The following PFKFB3 variants were observed in gnomAD, a reference collection of about 807,000 sequenced individuals.
PFKFB3 encodes the protein 6-phosphofructo-2-kinase/fructose-2,6-biphosphatase 3.
A neutral mutation model predicts 68.0 loss-of-function variants in PFKFB3; 33 were observed. The observed-to-expected ratio is 0.49, with a 90% CI of 0.37 to 0.65. The LOEUF (loss-of-function observed/expected upper bound fraction) is 0.65. Among genes scored for constraint, PFKFB3 ranks in the 30% least tolerant of loss-of-function variants. The pLI, the probability that PFKFB3 is intolerant of heterozygous loss-of-function variation, is 0.00. For synonymous variants in PFKFB3, 315 were observed against 288.2 expected, an observed-to-expected ratio of 1.09 and a Z score of -0.94; for missense variants, 586 against 712.2, an observed-to-expected ratio of 0.82 and a Z score of 2.02.
chr10:6,253,480 C>T (rs774459965), intron 14 of PFKFB3, among the ~76,000 whole-genome samples: 9 of 152,074 alleles, frequency 5.9e-5, no homozygotes, highest in Non-Finnish European at 8.8e-5. Flanking sequence ...TGGCTAAGGT[C>T]AATGGCCATG....
intron 11 of PFKFB3, 134 bp downstream of exon 11, chr10:6,223,118 G>C (rs544276421): frequency 1.7e-5 from 15 of 861,054 alleles, no homozygotes; most frequent in African/African-American, 8.6e-5. Flanking sequence ...AAGGGCACAG[G>C]TGTCGGCTCC....
At chr10:6,204,721 C>T (rs1040457396) in intron 1 of PFKFB3, among the ~76,000 whole-genome samples, 2 of 152,226 alleles carry the variant, frequency 1.3e-5, no homozygotes, top group African/African-American at 4.8e-5. Flanking sequence ...TTGTGTAAAA[C>T]CTGTAAGTGG....
intron 1 of PFKFB3, among the ~76,000 whole-genome samples, chr10:6,171,540 C>T (rs910730455): frequency 6.6e-6 from 1 of 151,904 alleles, no homozygotes; most frequent in Non-Finnish European, 1.5e-5. Context: ...GGACTATAGG[C>T]GTGTGCTGCC....
At chr10:6,155,206 T>TTC (rs1554839915) in intron 1 of PFKFB3, among the ~76,000 whole-genome samples, 4 of 37,680 alleles carry the variant, frequency 1.1e-4, no homozygotes, top group African/African-American at 2.0e-4. Context: ...AGTTTTTTTC[T>TTC]TTTTTTTTTT....
At chr10:6,257,042 A>G (rs1225757814), downstream of PFKFB3, among the ~76,000 whole-genome samples, 1 of 152,176 alleles carries the variant, frequency 6.6e-6, no homozygotes, top group Non-Finnish European at 1.5e-5. Context: ...TCATATTTAA[A>G]ATTTTTTTTT....
At chr10:6,304,093 T>C in the PFKFB3 span, among the ~76,000 whole-genome samples, 3 of 152,202 alleles carry the variant, frequency 2.0e-5, no homozygotes, top group Non-Finnish European at 4.4e-5. Context: ...AGAGTTTTAG[T>C]GCCCCAGAGA....
At chr10:6,196,897 G>C (rs370085518) in intron 1 of PFKFB3, among the ~76,000 whole-genome samples, 1 of 151,642 alleles carries the variant, frequency 6.6e-6, no homozygotes, top group Admixed American at 6.6e-5. Flanking sequence ...CCCCCGTCAC[G>C]CTCCCAAAGT....
the PFKFB3 span, among the ~76,000 whole-genome samples, chr10:6,273,181 G>T: frequency 0.034 from 5,176 of 151,740 alleles, 120 homozygotes; most frequent in Non-Finnish European, 0.052. Context: ...TAATTTTTTT[G>T]TATTTTCAGT....
intron 1 of PFKFB3, among the ~76,000 whole-genome samples, chr10:6,169,006 G>A (rs1026579650): frequency 4.9e-5 from 5 of 102,796 alleles, no homozygotes; most frequent in African/African-American, 1.6e-4. Context: ...ACCCAGGCTG[G>A]AGTGCACTGG....
chr10:6,278,025 C>T, the PFKFB3 span, among the ~76,000 whole-genome samples: 1 of 151,354 alleles, frequency 6.6e-6, no homozygotes, highest in African/African-American at 2.4e-5. Flanking sequence ...TCACACCATT[C>T]TCCTGCCTCA....
At chr10:6,195,403 TG>T (rs1843150660) in intron 1 of PFKFB3, among the ~76,000 whole-genome samples, 1 of 152,226 alleles carries the variant, frequency 6.6e-6, no homozygotes, top group South Asian at 2.1e-4. Context: ...AGGAATTGTC[TG>T]GCAAGAAACA....
chr10:6,309,832 A>G, the PFKFB3 span, among the ~76,000 whole-genome samples: 1 of 152,192 alleles, frequency 6.6e-6, no homozygotes, highest in African/African-American at 2.4e-5. Flanking sequence ...TGGGTACACC[A>G]GCTCATGATA....
intron 1 of PFKFB3, among the ~76,000 whole-genome samples, chr10:6,192,249 G>A (rs974010025): frequency 1.3e-5 from 2 of 150,702 alleles, no homozygotes; most frequent in African/African-American, 4.9e-5. Context: ...ATGACAGACC[G>A]TCCCATTCTC....
the PFKFB3 span, among the ~76,000 whole-genome samples, chr10:6,318,822 G>A: frequency 2.6e-5 from 4 of 152,164 alleles, no homozygotes; most frequent in Non-Finnish European, 4.4e-5. Context: ...CCGTCTCTGC[G>A]GTGAAATGAG....
rs1842204426 is a variant in PFKFB3, at chr10:6,168,466, T to G, written c.16+23453T>G. On this transcript the variant is annotated intron_variant, in intron 1 of 14. Coordinates refer to the PFKFB3 transcript ENST00000379789. Reference sequence around the variant, plus strand: ...ATCTCTGTGCTTCAGTTCCCTGATGTGTCAGCCTTATGCAGTTGTGAGGAT... The same window carrying G: ...ATCTCTGTGCTTCAGTTCCCTGATGGGTCAGCCTTATGCAGTTGTGAGGAT... 2.0e-5 allele frequency among the ~76,000 whole-genome samples: 3 copies of G among 152,210 alleles called. No homozygotes were observed. The South Asian group carries it at 6.2e-4, about 32-fold the overall frequency.
chr10:6,183,165 CAGA>C (rs1238049266), intron 1 of PFKFB3, among the ~76,000 whole-genome samples: 3 of 152,164 alleles, frequency 2.0e-5, no homozygotes, highest in African/African-American at 7.2e-5. Context: ...AATCTTCTTT[CAGA>C]AGATCACCCA....
At chr10:6,209,430 G>A (rs939471736) in intron 1 of PFKFB3, among the ~76,000 whole-genome samples, 1 of 152,124 alleles carries the variant, frequency 6.6e-6, no homozygotes, top group African/African-American at 2.4e-5. Context: ...AAAATGAAAT[G>A]AGACACAAAT....
intron 13 of PFKFB3, among the ~76,000 whole-genome samples, chr10:6,225,975 G>A (rs1845320232): frequency 6.6e-6 from 1 of 152,206 alleles, no homozygotes; most frequent in Non-Finnish European, 1.5e-5. Context: ...TACCATCCGA[G>A]GAAGGGGGCA....
the PFKFB3 span, among the ~76,000 whole-genome samples, chr10:6,302,680 C>A: frequency 6.6e-6 from 1 of 151,664 alleles, no homozygotes; most frequent in Admixed American, 6.6e-5. Flanking sequence ...GTGCCCGGCC[C>A]ATACTTGTGG....
Sources: gnomAD v4.1 joint callset for allele counts (sites outside exome capture counted in the v4.1 genomes callset) on GRCh38, gnomAD v4.1.1 for gene constraint, MANE v1.5 for transcripts, NCBI Gene and HGNC (gene_info 2026-07-23, HGNC 2026-07-21) for gene names.